The following RSBN1L variants were observed in gnomAD, a reference collection of about 807,000 sequenced individuals.
The protein encoded by RSBN1L is lysine-specific demethylase RSBN1L.
Under a neutral mutation model 67.7 loss-of-function variants are expected in RSBN1L, and 30 were observed. That is an observed-to-expected ratio of 0.44 (90% CI 0.33 to 0.60). The LOEUF is 0.60. Ranked by LOEUF, RSBN1L falls within the 20% of genes least tolerant of loss-of-function variation. The pLI, the probability that RSBN1L is intolerant of heterozygous loss-of-function variation, is 0.02. For missense variants in RSBN1L, 992 were observed against 1,031.7 expected (o/e 0.96, Z 0.53); for synonymous variants, 433 against 387.0 (o/e 1.12, Z -1.39).
chr7:77,709,667 G>T (rs1790947271), intron 1 of RSBN1L, among the ~76,000 whole-genome samples: 1 of 152,068 alleles, frequency 6.6e-6, no homozygotes, highest in Non-Finnish European at 1.5e-5. Flanking sequence ...ACTGTTCAGA[G>T]TCTTCCAGCC....
chr7:77,700,969 C>T (rs1209016289), intron 1 of RSBN1L, among the ~76,000 whole-genome samples: 1 of 151,982 alleles, frequency 6.6e-6, no homozygotes, highest in Non-Finnish European at 1.5e-5. Flanking sequence ...CTAGCCTGGG[C>T]AACACGGTGA....
chr7:77,749,013 C>T lies in RSBN1L; in HGVS notation c.704-411C>T, dbSNP rs923016435. 2.0e-4 allele frequency among the ~76,000 whole-genome samples: 31 copies of T among 152,054 alleles called. 1 individual carries two copies. The highest frequency in any genetic ancestry group is 1.7e-3 in the South Asian group (8 of 4,806). ...GCTCACGCCTGTAATCCCAGCACTT[C>T]GGGAGGCCGAAGCGGGCAGATCACG... On this transcript the variant is annotated intron_variant, in intron 2 of 7. Coordinates refer to ENST00000334955, the MANE Select transcript of RSBN1L (RefSeq NM_198467.3).
At chr7:77,703,477 G>GTTTTTTTTTTTTTTTTT (rs71529102) in intron 1 of RSBN1L, among the ~76,000 whole-genome samples, 1 of 61,574 alleles carries the variant, frequency 1.6e-5, no homozygotes, top group Non-Finnish European at 2.8e-5. Flanking sequence ...TACTGTTTGG[G>GTTTTTTTTTTTTTTTTT]TTTTTTTTTT....
intron 2 of RSBN1L, among the ~76,000 whole-genome samples, chr7:77,745,602 TAA>T (rs1404104070): frequency 1.3e-5 from 2 of 152,134 alleles, no homozygotes; most frequent in African/African-American, 2.4e-5. Context: ...GGAAAGGATA[TAA>T]GAGTTGTCTT....
chr7:77,709,297 T>G (rs1790941410), intron 1 of RSBN1L, among the ~76,000 whole-genome samples: 1 of 152,020 alleles, frequency 6.6e-6, no homozygotes, highest in Non-Finnish European at 1.5e-5. Context: ...TTTTTTCTTT[T>G]CTTTTTTTTT....
chr7:77,730,589 CTTT>C (rs912482124), intron 1 of RSBN1L, among the ~76,000 whole-genome samples: 1 of 152,178 alleles, frequency 6.6e-6, no homozygotes. Context: ...AACCACTGAT[CTTT>C]TTATTTAAAG....
chr7:77,734,164 A>G (rs1791303458), intron 1 of RSBN1L, among the ~76,000 whole-genome samples: 1 of 152,192 alleles, frequency 6.6e-6, no homozygotes. Flanking sequence ...TTTAACCTGT[A>G]TGATTACAAG....
chr7:77,730,219 T>G (rs1371707655), intron 1 of RSBN1L, among the ~76,000 whole-genome samples: 3 of 152,296 alleles, frequency 2.0e-5, no homozygotes, highest in South Asian at 2.1e-4. Context: ...TTGTATTTAC[T>G]TATTTATGCC....
intron 3 of RSBN1L, among the ~76,000 whole-genome samples, chr7:77,751,149 TG>T (rs1192083579): frequency 8.2e-6 from 1 of 121,742 alleles, no homozygotes; most frequent in African/African-American, 3.3e-5. Flanking sequence ...AATAATGTGG[TG>T]TTTTTTTGTT....
intron 3 of RSBN1L, among the ~76,000 whole-genome samples, chr7:77,763,419 C>G (rs1791721185): frequency 6.6e-6 from 1 of 152,176 alleles, no homozygotes; most frequent in South Asian, 2.1e-4. Context: ...CTCAGAATCT[C>G]AGAATCACTT....
chr7:77,782,338 T>C lies in RSBN1L; in HGVS notation c.*3170T>C, dbSNP rs1438960738. The C allele has an allele frequency of 6.6e-6, 1 of 152,132 alleles. No individual in the cohort carries two copies. Among genetic ancestry groups the C allele is most frequent in the African/African-American group, 2.4e-5 (1 of 41,376 alleles). The allele number at this position is 152,132 out of a possible 1,614,324, so 9.4% of individuals were successfully genotyped here. A position where few individuals can be genotyped will look rare whatever the true frequency, so the allele number is the denominator to read the frequency against. ...GAATAAAGAATTGTTATGTAAATTA[T>C]TAAATGAGTATACAGACCTTTACAT... On this transcript the variant is annotated 3_prime_UTR_variant, in exon 8 of 8. Coordinates refer to ENST00000334955, the MANE Select transcript of RSBN1L (RefSeq NM_198467.3).
chr7:77,775,499 A>G (rs760346966), intron 6 of RSBN1L, among the ~76,000 whole-genome samples: 7 of 152,214 alleles, frequency 4.6e-5, no homozygotes, highest in South Asian at 4.2e-4. Flanking sequence ...GTGTTTCACA[A>G]ATTTTTCTAT....
chr7:77,702,463 T>G (rs570192580), intron 1 of RSBN1L, among the ~76,000 whole-genome samples: 2 of 152,198 alleles, frequency 1.3e-5, no homozygotes, highest in South Asian at 4.1e-4. Flanking sequence ...TTGGTTGCTT[T>G]CTTTTAGTTG....
At chr7:77,725,243 A>AATTTT (rs1554338354) in intron 1 of RSBN1L, among the ~76,000 whole-genome samples, 5 of 57,918 alleles carry the variant, frequency 8.6e-5, no homozygotes, top group African/African-American at 4.4e-4. Flanking sequence ...TAAGCCCCCC[A>AATTTT]CTTTTTTTTT....
intron 2 of RSBN1L, among the ~76,000 whole-genome samples, chr7:77,741,765 GC>G (rs1301981955): frequency 6.6e-6 from 1 of 151,710 alleles, no homozygotes; most frequent in Non-Finnish European, 1.5e-5. Context: ...TGTAGGAGAA[GC>G]AAATTGGTAT....
At chr7:77,710,513 G>A (rs780853917) in intron 1 of RSBN1L, among the ~76,000 whole-genome samples, 15 of 152,126 alleles carry the variant, frequency 9.9e-5, no homozygotes, top group Non-Finnish European at 2.2e-4. Context: ...TTGAGAGGGA[G>A]GCCTGTGCTC....
chr7:77,760,369 C>T (rs1791683714), intron 3 of RSBN1L, among the ~76,000 whole-genome samples: 1 of 151,894 alleles, frequency 6.6e-6, no homozygotes, highest in Non-Finnish European at 1.5e-5. Context: ...AGAGAATATA[C>T]AAGGGGAAAA....
intron 3 of RSBN1L, among the ~76,000 whole-genome samples, chr7:77,762,940 C>T (rs1038507735): frequency 1.3e-5 from 2 of 152,058 alleles, no homozygotes; most frequent in Non-Finnish European, 2.9e-5. Flanking sequence ...TCCTAACAGT[C>T]ATCCCCTCCG....
At chr7:77,743,044 T>G (rs1436900370) in intron 2 of RSBN1L, among the ~76,000 whole-genome samples, 1 of 134,262 alleles carries the variant, frequency 7.4e-6, no homozygotes, top group Non-Finnish European at 1.5e-5. Context: ...AATTACAGAA[T>G]AGTTTTCCAT....
Sources: gnomAD v4.1 joint callset for allele counts (sites outside exome capture counted in the v4.1 genomes callset) on GRCh38, gnomAD v4.1.1 for gene constraint, MANE v1.5 for transcripts, NCBI Gene and HGNC (gene_info 2026-07-23, HGNC 2026-07-21) for gene names.